Variants in ZNF487 observed in about 807,000 individuals in gnomAD.
ZNF487 encodes zinc finger protein 487, also known as KRAB domain only 1.
Under a neutral mutation model 3.0 loss-of-function variants are expected in ZNF487, and 4 were observed. The ratio of observed to expected loss-of-function variants is 1.35; its 90% CI spans 0.66 to 3.08. The LOEUF (loss-of-function observed/expected upper bound fraction) is 3.08. Ranked by LOEUF, ZNF487 falls within the 30% of genes most tolerant of loss-of-function variation. ZNF487 has a pLI of 0.01. For synonymous variants in ZNF487, 55 were observed against 34.6 expected (o/e 1.59, Z -2.06); for missense variants, 146 against 98.7 (o/e 1.48, Z -2.03).
At chr10:43,437,465 A>G (rs954820714) in intron 1 of ZNF487, among the ~76,000 whole-genome samples, 2 of 152,146 alleles carry the variant, frequency 1.3e-5, no homozygotes, top group South Asian at 2.1e-4. Flanking sequence ...GACAAGGGCA[A>G]CCAGAAGGAA....
At chr10:43,503,560 C>A in the ZNF487 span, among the ~76,000 whole-genome samples, 1 of 152,140 alleles carries the variant, frequency 6.6e-6, no homozygotes, top group South Asian at 2.1e-4. Flanking sequence ...GTCCTGCAAG[C>A]TCCATTCATG....
intron 1 of ZNF487, among the ~76,000 whole-genome samples, chr10:43,445,617 G>A (rs1368663793): frequency 6.6e-6 from 1 of 151,170 alleles, no homozygotes. Flanking sequence ...TACCCAATGG[G>A]CCATGAATTA....
At chr10:43,499,116 GCATGGTAAAA>G in the ZNF487 span, among the ~76,000 whole-genome samples, 8 of 152,188 alleles carry the variant, frequency 5.3e-5, no homozygotes, top group Non-Finnish European at 1.2e-4. Flanking sequence ...TAAGAAATAT[GCATGGTAAAA>G]TTTAATGAAC....
intron 2 of ZNF487, 56 bp from the exon 3 acceptor site, chr10:43,476,051 C>G: frequency 1.4e-6 from 1 of 707,866 alleles, no homozygotes; most frequent in Non-Finnish European, 2.6e-6. Context: ...TGTGCAGGCA[C>G]ACCTTTGTCC....
chr10:43,462,851 C>T (rs1235689397), intron 1 of ZNF487, among the ~76,000 whole-genome samples: 3 of 151,450 alleles, frequency 2.0e-5, no homozygotes, highest in Non-Finnish European at 2.9e-5. Context: ...CTCATTGTAA[C>T]CTTGAACTCT....
At chr10:43,459,386 C>T (rs1209591229) in intron 1 of ZNF487, among the ~76,000 whole-genome samples, 2 of 152,076 alleles carry the variant, frequency 1.3e-5, no homozygotes, top group Non-Finnish European at 1.5e-5. Context: ...TATGCTACCA[C>T]ACCTGGCTAG....
chr10:43,480,144 C>T (rs1157531736), intron 3 of ZNF487, among the ~76,000 whole-genome samples: 1 of 148,194 alleles, frequency 6.7e-6, no homozygotes, highest in East Asian at 2.0e-4. Context: ...GTCTTGCTCT[C>T]TTGCCCAGGC....
intron 1 of ZNF487, among the ~76,000 whole-genome samples, chr10:43,446,215 G>A (rs963857466): frequency 6.6e-6 from 1 of 152,054 alleles, no homozygotes; most frequent in Non-Finnish European, 1.5e-5. Context: ...ACGGGGTGGT[G>A]GCCGGGCAGA....
chr10:43,460,382 T>TTC (rs1840387341), intron 1 of ZNF487, among the ~76,000 whole-genome samples: 1 of 117,600 alleles, frequency 8.5e-6, no homozygotes, highest in African/African-American at 3.2e-5. Context: ...CTTTCTTTCT[T>TTC]TTTTTTTTTT....
chr10:43,498,095 A>T, the ZNF487 span, among the ~76,000 whole-genome samples: 45 of 12,608 alleles, frequency 3.6e-3, 3 homozygotes, highest in Admixed American at 0.011. Flanking sequence ...ATATATATAT[A>T]TATATTTTTT....
At chr10:43,518,625 C>G in the ZNF487 span, among the ~76,000 whole-genome samples, 279 of 152,250 alleles carry the variant, frequency 1.8e-3, no homozygotes, top group South Asian at 3.3e-3. Flanking sequence ...CTGCCCTGCT[C>G]AGACCATCAT....
chr10:43,447,981 A>G (rs1445812237), intron 1 of ZNF487, among the ~76,000 whole-genome samples: 1 of 139,996 alleles, frequency 7.1e-6, no homozygotes, highest in Non-Finnish European at 1.5e-5. Flanking sequence ...GGGTCTTGGA[A>G]ACCATTTTTT....
At chr10:43,502,686 T>C in the ZNF487 span, among the ~76,000 whole-genome samples, 1 of 152,184 alleles carries the variant, frequency 6.6e-6, no homozygotes, top group African/African-American at 2.4e-5. Flanking sequence ...CTGGTTTATG[T>C]ATTTACTATA....
At chr10:43,502,368 A>T in the ZNF487 span, among the ~76,000 whole-genome samples, 2 of 148,116 alleles carry the variant, frequency 1.4e-5, no homozygotes, top group Non-Finnish European at 3.0e-5. Flanking sequence ...AACATCACAC[A>T]CTGGGGCCTG....
chr10:43,476,856 T>C (rs1256969560), intron 3 of ZNF487, among the ~76,000 whole-genome samples: 1 of 152,134 alleles, frequency 6.6e-6, no homozygotes, highest in East Asian at 1.9e-4. Context: ...GAGGTGCCGA[T>C]ATATTCGGAA....
intron 1 of ZNF487, among the ~76,000 whole-genome samples, chr10:43,442,238 A>C (rs1053594773): frequency 2.0e-5 from 3 of 148,802 alleles, no homozygotes; most frequent in Admixed American, 6.7e-5. Flanking sequence ...CCTGTCTCTA[A>C]AACAACAACA....
the ZNF487 span, among the ~76,000 whole-genome samples, chr10:43,509,458 C>CGTAT: frequency 7.4e-6 from 1 of 135,294 alleles, no homozygotes; most frequent in East Asian, 2.3e-4. Flanking sequence ...ACTAATGGAA[C>CGTAT]ATATATATAT....
At chr10:43,481,203 T>A (rs1442328110) in intron 3 of ZNF487, among the ~76,000 whole-genome samples, 7 of 151,844 alleles carry the variant, frequency 4.6e-5, no homozygotes, top group Non-Finnish European at 1.0e-4. Context: ...TGGTGGTACA[T>A]ACTTGTAATC....
chr10:43,493,709 A>AAATATATATATAT, the ZNF487 span, among the ~76,000 whole-genome samples: 1 of 43,718 alleles, frequency 2.3e-5, no homozygotes, highest in African/African-American at 8.7e-5. Context: ...AAAAAAAAAA[A>AAATATATATATAT]ATATATATAT....
Sources: gnomAD v4.1 joint callset for allele counts (sites outside exome capture counted in the v4.1 genomes callset) on GRCh38, gnomAD v4.1.1 for gene constraint, MANE v1.5 for transcripts, NCBI Gene and HGNC (gene_info 2026-07-23, HGNC 2026-07-21) for gene names.